The following LYPD6 variants were observed in gnomAD, a reference collection of about 807,000 sequenced individuals.
LYPD6 encodes LY6/PLAUR domain containing 6.
LYPD6 carries 15 observed loss-of-function variants against 22.7 expected under a neutral mutation model. The ratio of observed to expected loss-of-function variants is 0.66; its 90% CI spans 0.44 to 1.02. The LOEUF is 1.02. Ranked by LOEUF, LYPD6 falls within the 50% of genes least tolerant of loss-of-function variation. The pLI is 0.00. For missense variants in LYPD6, 189 were observed against 208.4 expected (o/e 0.91, Z 0.57); for synonymous variants, 72 against 77.5 (o/e 0.93, Z 0.37).
intron 1 of LYPD6, among the ~76,000 whole-genome samples, chr2:149,423,934 T>C (rs1043677949): frequency 6.6e-6 from 1 of 152,090 alleles, no homozygotes; most frequent in African/African-American, 2.4e-5. Flanking sequence ...CTGAGTAAGC[T>C]TGATTTGGGA....
intron 1 of LYPD6, among the ~76,000 whole-genome samples, chr2:149,422,292 C>A (rs777005235): frequency 6.6e-5 from 10 of 152,166 alleles, no homozygotes; most frequent in Non-Finnish European, 1.0e-4. Context: ...GTTAAGCAAC[C>A]TTCCCAGGAG....
intron 1 of LYPD6, among the ~76,000 whole-genome samples, chr2:149,428,846 G>A (rs577435076): frequency 6.6e-6 from 1 of 152,294 alleles, no homozygotes; most frequent in Non-Finnish European, 1.5e-5. Flanking sequence ...TCAATTTTTA[G>A]AGAAGAAAAT....
At chr2:149,376,027 C>A (rs762831939) in intron 1 of LYPD6, among the ~76,000 whole-genome samples, 2 of 152,180 alleles carry the variant, frequency 1.3e-5, no homozygotes, top group African/African-American at 4.8e-5. Flanking sequence ...ATAGTGAACG[C>A]ACCTAAACAA....
intron 1 of LYPD6, among the ~76,000 whole-genome samples, chr2:149,343,332 T>TA (rs5835274): frequency 2.6e-5 from 4 of 151,740 alleles, no homozygotes; most frequent in South Asian, 2.1e-4. Flanking sequence ...TATAATAGAT[T>TA]AAAAAAAAAC....
At chr2:149,431,003 T>C (rs944733493) in intron 1 of LYPD6, among the ~76,000 whole-genome samples, 2 of 152,142 alleles carry the variant, frequency 1.3e-5, no homozygotes, top group African/African-American at 2.4e-5. Flanking sequence ...GGAAGTCCAA[T>C]AGATCTTGAA....
chr2:149,405,668 T>A (rs1229153074), intron 1 of LYPD6, among the ~76,000 whole-genome samples: 1 of 152,252 alleles, frequency 6.6e-6, no homozygotes, highest in Non-Finnish European at 1.5e-5. Flanking sequence ...ATTTTGTTGA[T>A]CCTTTCACAA....
At chr2:149,432,381 T>C (rs1464713838) in intron 1 of LYPD6, among the ~76,000 whole-genome samples, 1 of 152,092 alleles carries the variant, frequency 6.6e-6, no homozygotes, top group Non-Finnish European at 1.5e-5. Context: ...AAACATAGTA[T>C]GTTCATACAA....
intron 1 of LYPD6, among the ~76,000 whole-genome samples, chr2:149,423,225 A>G (rs1307970904): frequency 1.3e-5 from 2 of 152,196 alleles, no homozygotes; most frequent in African/African-American, 2.4e-5. Flanking sequence ...CTGTGGGGGC[A>G]GCTGTATCTC....
At chr2:149,418,900 T>G (rs538880675) in intron 1 of LYPD6, among the ~76,000 whole-genome samples, 1 of 152,370 alleles carries the variant, frequency 6.6e-6, no homozygotes, top group South Asian at 2.1e-4. Context: ...TTTGTTCACC[T>G]TATCTTCTAA....
chr2:149,413,978 G>A (rs1193702640), intron 1 of LYPD6, among the ~76,000 whole-genome samples: 1 of 152,168 alleles, frequency 6.6e-6, no homozygotes. Flanking sequence ...GCCAAAGGGT[G>A]GCCACTTGCA....
intron 1 of LYPD6, among the ~76,000 whole-genome samples, chr2:149,392,801 G>A (rs1318329719): frequency 9.2e-5 from 14 of 152,076 alleles, no homozygotes; most frequent in Admixed American, 3.3e-4. Flanking sequence ...TGAGGCGGCC[G>A]GATCACAAGG....
At chr2:149,450,665 G>A (rs957439765) in intron 3 of LYPD6, among the ~76,000 whole-genome samples, 1 of 152,190 alleles carries the variant, frequency 6.6e-6, no homozygotes, top group African/African-American at 2.4e-5. Context: ...AAATGGGCCA[G>A]TATTTTCTAA....
intron 2 of LYPD6, 127 bp downstream of exon 2, chr2:149,437,953 G>T: frequency 9.5e-7 from 1 of 1,047,624 alleles, no homozygotes; most frequent in African/African-American, 1.6e-5. Flanking sequence ...GGGTGGTGCG[G>T]TAATTTACAA....
chr2:149,350,473 T>G (rs1681338128), intron 1 of LYPD6, among the ~76,000 whole-genome samples: 1 of 152,280 alleles, frequency 6.6e-6, no homozygotes. Context: ...GACTTGACAG[T>G]TTATCTGTGT....
rs1249696648 is a variant in LYPD6 at position 149,380,159 on chromosome 2, C to CGGTGGA, written c.-72+49438_-72+49443dup. On this transcript the variant is annotated intron_variant, in intron 1 of 4. Transcript: ENST00000334166. The stretch of plus-strand genomic sequence containing the variant: ...GTTGGCAAGTGTGAGAAATAGCAAG[C>CGGTGGA]GGTGGAATGATCCTGAATAGGAGAT... Among the ~76,000 whole-genome samples the CGGTGGA allele has an allele frequency of 2.0e-5, 3 of 152,200 alleles. No individual in the cohort carries two copies. In the East Asian group the frequency reaches 5.8e-4, roughly 29 times the overall value.
intron 1 of LYPD6, among the ~76,000 whole-genome samples, chr2:149,348,509 GA>G (rs1450089440): frequency 6.6e-6 from 1 of 152,232 alleles, no homozygotes; most frequent in Non-Finnish European, 1.5e-5. Context: ...ACCTCTGTGG[GA>G]AGAGCCCTCC....
At chr2:149,414,772 A>C (rs1682925966) in intron 1 of LYPD6, among the ~76,000 whole-genome samples, 1 of 152,230 alleles carries the variant, frequency 6.6e-6, no homozygotes, top group African/African-American at 2.4e-5. Context: ...GACAAAATCC[A>C]AAATATAATG....
rs186332166 is a variant in LYPD6 at position 149,450,935 on chromosome 2, A to G, written c.217+1788A>G. Among the ~76,000 whole-genome samples, 4 of 152,344 alleles carry G rather than the reference A, an allele frequency of 2.6e-5. No individual in the cohort carries two copies. The East Asian group carries it at 7.7e-4, about 29-fold the overall frequency. On this transcript the variant is annotated intron_variant, in intron 3 of 4. Coordinates refer to ENST00000334166, the MANE Select transcript of LYPD6 (RefSeq NM_194317.5). ...CCAAGATGATTTGCTTTGTATATCT[A>G]GTCATCTTTGGGCTAGTTCCTGTGG... is the stretch of plus-strand genomic sequence containing the variant.
chr2:149,418,925 T>C (rs1225488927), intron 1 of LYPD6, among the ~76,000 whole-genome samples: 7 of 152,220 alleles, frequency 4.6e-5, no homozygotes, highest in Non-Finnish European at 1.0e-4. Context: ...CTGAAGACTT[T>C]TAAAACCTGG....
Sources: gnomAD v4.1 joint callset for allele counts (sites outside exome capture counted in the v4.1 genomes callset) on GRCh38, gnomAD v4.1.1 for gene constraint, MANE v1.5 for transcripts, NCBI Gene and HGNC (gene_info 2026-07-23, HGNC 2026-07-21) for gene names.